HDAC9: variants seen among roughly 807,000 people sequenced by gnomAD.
HDAC9 encodes the protein MEF-2 interacting transcription repressor (MITR) protein.
HDAC9 carries 41 observed loss-of-function variants against 139.4 expected under a neutral mutation model. The observed-to-expected ratio is 0.29, with a 90% CI of 0.23 to 0.38. The LOEUF (loss-of-function observed/expected upper bound fraction) is 0.38, where lower values mean the gene tolerates loss of function less well. Among genes scored for constraint, HDAC9 ranks in the 10% least tolerant of loss-of-function variants. HDAC9 has a pLI of 1.00. For missense variants in HDAC9, 1,147 were observed against 1,297.0 expected (o/e 0.88, Z 1.78); for synonymous variants, 517 against 476.2 (o/e 1.09, Z -1.12).
At chr7:18,312,623 A>G (rs756497681) in intron 1 of HDAC9, among the ~76,000 whole-genome samples, 3 of 152,028 alleles carry the variant, frequency 2.0e-5, no homozygotes, top group African/African-American at 4.8e-5. Context: ...AGTCCTCTAT[A>G]TGGTCTTTTA....
intron 2 of HDAC9, among the ~76,000 whole-genome samples, chr7:18,219,039 C>A (rs895273843): frequency 6.6e-6 from 1 of 151,928 alleles, no homozygotes; most frequent in African/African-American, 2.4e-5. Flanking sequence ...CAAAATGATG[C>A]CTAACTTCTT....
intron 2 of HDAC9, among the ~76,000 whole-genome samples, chr7:18,556,974 A>G (rs1389450654): frequency 1.3e-5 from 2 of 152,084 alleles, no homozygotes; most frequent in Non-Finnish European, 2.9e-5. Flanking sequence ...TCAGAAACCT[A>G]TTAATATTGC....
At chr7:18,854,133 TC>T (rs1230459437) in intron 21 of HDAC9, among the ~76,000 whole-genome samples, 6 of 152,208 alleles carry the variant, frequency 3.9e-5, no homozygotes, top group African/African-American at 1.4e-4. Flanking sequence ...ATCTTTCTGT[TC>T]ATTGCTATGT....
chr7:18,605,555 C>T (rs1159364449), intron 6 of HDAC9, among the ~76,000 whole-genome samples: 1 of 152,134 alleles, frequency 6.6e-6, no homozygotes, highest in Non-Finnish European at 1.5e-5. Context: ...ACGCCTACTC[C>T]CTACCTTCAC....
intron 21 of HDAC9, among the ~76,000 whole-genome samples, chr7:18,846,245 G>C (rs1796895462): frequency 1.3e-5 from 2 of 152,058 alleles, no homozygotes; most frequent in South Asian, 4.2e-4. Flanking sequence ...CTCAGAAGTT[G>C]GCTCTGGAAA....
In HDAC9 at chr7:18,307,778, G is replaced by T. The variant is rs370930118; in HGVS notation, c.-42+17263G>T. 2.0e-5 allele frequency among the ~76,000 whole-genome samples: 3 copies of T among 152,220 alleles called. No individual in the cohort carries two copies. In the East Asian group the frequency reaches 5.8e-4, roughly 29 times the overall value. ...AAATTGTGCCGCTGCACTCCAGCCT[G>T]GGTGACAGAGTGAGACTCTGTCCCA... On this transcript the variant is annotated intron_variant, in intron 1 of 3. Coordinates refer to the HDAC9 transcript ENST00000413509.
At chr7:18,145,233 G>T (rs957487175) in intron 1 of HDAC9, among the ~76,000 whole-genome samples, 5 of 152,186 alleles carry the variant, frequency 3.3e-5, no homozygotes, top group Non-Finnish European at 7.3e-5. Context: ...CATAATCTTT[G>T]CTTTCATGGA....
chr7:18,666,168 C>G lies in HDAC9; in HGVS notation c.1468-45C>G. Reference sequence around the variant, plus strand: ...AAAGTGTAATTTGCTTCTCTGTTACCATGAAGAACTACTGAATTTTGAACC... The same window carrying G: ...AAAGTGTAATTTGCTTCTCTGTTACGATGAAGAACTACTGAATTTTGAACC... On this transcript the variant is annotated intron_variant, in intron 11 of 25. Coordinates refer to ENST00000686413, the MANE Select transcript of HDAC9 (RefSeq NM_178425.4). The G allele has an allele frequency of 2.6e-6, 4 of 1,534,284 alleles. No individual in the cohort carries two copies. The South Asian group carries it at 5.1e-5, about 20-fold the overall frequency.
At chr7:18,522,663 T>C (rs925152440) in intron 2 of HDAC9, among the ~76,000 whole-genome samples, 1 of 152,058 alleles carries the variant, frequency 6.6e-6, no homozygotes, top group Non-Finnish European at 1.5e-5. Context: ...CATGCCTCTC[T>C]TATTTCTTGT....
intron 1 of HDAC9, among the ~76,000 whole-genome samples, chr7:18,385,923 A>G (rs1427848506): frequency 1.3e-5 from 2 of 152,306 alleles, no homozygotes; most frequent in African/African-American, 2.4e-5. Context: ...TTGTCAAAAA[A>G]AAAACTCACA....
In HDAC9 at chr7:18,496,043, T is replaced by C; in HGVS notation, c.-42+20T>C. The C allele has an allele frequency of 7.0e-7, 1 of 1,434,278 alleles. No individual in the cohort carries two copies. Among genetic ancestry groups the C allele is most frequent in the Non-Finnish European group, 9.1e-7 (1 of 1,098,028 alleles). The allele number at this position is 1,434,278 out of a possible 1,614,324, so 88.8% of individuals were successfully genotyped here. ...ACACAGGTTGGTAACATGGGAAAAGTGTCCAGGTCTTTTTAAAAGTGGATG... is the reference window on the plus strand; with the variant it reads ...ACACAGGTTGGTAACATGGGAAAAGCGTCCAGGTCTTTTTAAAAGTGGATG... On this transcript the variant is annotated intron_variant, in intron 1 of 25. Transcript: ENST00000686413.
At chr7:18,163,258 G>T (rs1403392176) in intron 2 of HDAC9, among the ~76,000 whole-genome samples, 1 of 152,098 alleles carries the variant, frequency 6.6e-6, no homozygotes, top group African/African-American at 2.4e-5. Flanking sequence ...CCTCCAACTT[G>T]TATGCTGAAT....
At chr7:18,783,780 ATAGATTTCTC>A (rs1394263487) in intron 16 of HDAC9, among the ~76,000 whole-genome samples, 1 of 151,922 alleles carries the variant, frequency 6.6e-6, no homozygotes, top group Non-Finnish European at 1.5e-5. Context: ...CAACACATAC[ATAGATTTCTC>A]TTAGCTTGGC....
chr7:18,725,156 A>G (rs1785442924), intron 12 of HDAC9, among the ~76,000 whole-genome samples: 2 of 152,140 alleles, frequency 1.3e-5, no homozygotes, highest in South Asian at 4.2e-4. Context: ...TTAGGGGCCC[A>G]CAAAACATTT....
At chr7:18,763,601 C>T (rs537355281) in intron 15 of HDAC9, among the ~76,000 whole-genome samples, 23 of 152,184 alleles carry the variant, frequency 1.5e-4, no homozygotes, top group African/African-American at 5.3e-4. Flanking sequence ...AGATACTTTA[C>T]ATAAAATACC....
chr7:18,717,724 G>A (rs1285344069), intron 12 of HDAC9, among the ~76,000 whole-genome samples: 1 of 151,404 alleles, frequency 6.6e-6, no homozygotes, highest in Non-Finnish European at 1.5e-5. Flanking sequence ...AATCACAAGG[G>A]ATAAAAATAT....
chr7:18,393,721 G>T (rs1786760614), intron 1 of HDAC9, among the ~76,000 whole-genome samples: 4 of 152,080 alleles, frequency 2.6e-5, no homozygotes, highest in Admixed American at 2.6e-4. Flanking sequence ...TACCCTAGAT[G>T]CTGAAAGCTT....
rs2128585779 is a variant in HDAC9, at chr7:18,534,310, T to G, written c.22+37986T>G. ...TGGCTCACAGCTGTAATGCTAGCACTTTGGGAGGCTGAGGCAGGAGGGCTG... is the reference window on the plus strand; with the variant it reads ...TGGCTCACAGCTGTAATGCTAGCACGTTGGGAGGCTGAGGCAGGAGGGCTG... On this transcript the variant is annotated intron_variant, in intron 2 of 25. Coordinates refer to ENST00000686413, the MANE Select transcript of HDAC9 (RefSeq NM_178425.4). Among the ~76,000 whole-genome samples the G allele has an allele frequency of 1.3e-5, 2 of 152,256 alleles. 1 individual carries two copies. The highest frequency in any genetic ancestry group is 4.1e-4 in the South Asian group (2 of 4,826).
chr7:18,530,678 C>G (rs974469464), intron 2 of HDAC9, among the ~76,000 whole-genome samples: 5 of 151,900 alleles, frequency 3.3e-5, no homozygotes, highest in African/African-American at 1.2e-4. Context: ...ATTGTGAACT[C>G]ACCATCTGGC....
Sources: gnomAD v4.1 joint callset for allele counts (sites outside exome capture counted in the v4.1 genomes callset) on GRCh38, gnomAD v4.1.1 for gene constraint, MANE v1.5 for transcripts, NCBI Gene and HGNC (gene_info 2026-07-23, HGNC 2026-07-21) for gene names.